Variants in NOVA1 observed in about 807,000 individuals in gnomAD.
NOVA1 encodes NOVA alternative splicing regulator 1, also known as RNA-binding protein Nova-1.
NOVA1 carries 7 observed loss-of-function variants against 38.0 expected under a neutral mutation model. The ratio of observed to expected loss-of-function variants is 0.18; its 90% CI spans 0.10 to 0.35. The LOEUF is 0.35. NOVA1 is among the 10% of genes least tolerant of loss of function. The pLI, the probability that NOVA1 is intolerant of heterozygous loss-of-function variation, is 1.00. For synonymous variants in NOVA1, 270 were observed against 232.5 expected (o/e 1.16, Z -1.47); for missense variants, 460 against 616.0 (o/e 0.75, Z 2.68).
At chr14:26,528,856 A>G (rs1171425378) in intron 2 of NOVA1, among the ~76,000 whole-genome samples, 1 of 152,158 alleles carries the variant, frequency 6.6e-6, no homozygotes, top group Non-Finnish European at 1.5e-5. Context: ...TATTCTTCAC[A>G]TATTAAAGCT....
intron 2 of NOVA1, among the ~76,000 whole-genome samples, chr14:26,570,606 G>GTATATATGCATGTATATATGCATGTA (rs1358046982): frequency 1.3e-5 from 2 of 151,908 alleles, no homozygotes; most frequent in Non-Finnish European, 2.9e-5. Context: ...GTATACATAT[G>GTATATATGCATGTATATATGCATGTA]TATATGTATA....
chr14:26,470,555 T>C (rs747986528), intron 4 of NOVA1: 19 of 1,105,330 alleles, frequency 1.7e-5, no homozygotes, highest in Non-Finnish European at 2.4e-5. Context: ...GTGGACAGAA[T>C]ATAAAATTAC....
At chr14:26,487,092 C>T (rs987445099) in intron 2 of NOVA1, among the ~76,000 whole-genome samples, 1 of 152,034 alleles carries the variant, frequency 6.6e-6, no homozygotes, top group Admixed American at 6.6e-5. Context: ...AAGCAAAAGT[C>T]TCATTTATGA....
chr14:26,526,219 G>C (rs961721030), intron 2 of NOVA1, among the ~76,000 whole-genome samples: 2 of 152,118 alleles, frequency 1.3e-5, no homozygotes. Flanking sequence ...TTTGAGAAAT[G>C]TTAAATATAA....
intron 2 of NOVA1, among the ~76,000 whole-genome samples, chr14:26,484,305 G>A (rs1001804559): frequency 1.3e-5 from 2 of 151,092 alleles, no homozygotes; most frequent in African/African-American, 2.4e-5. Flanking sequence ...GCATGGTGGC[G>A]GGCACCTGTA....
chr14:26,541,802 C>G (rs1890482837), intron 2 of NOVA1, among the ~76,000 whole-genome samples: 1 of 151,570 alleles, frequency 6.6e-6, no homozygotes, highest in Non-Finnish European at 1.5e-5. Context: ...TTTCTTGATA[C>G]CTAAAACTGA....
At chr14:26,550,965 G>A (rs1221516988) in intron 2 of NOVA1, among the ~76,000 whole-genome samples, 2 of 152,000 alleles carry the variant, frequency 1.3e-5, no homozygotes, top group African/African-American at 4.8e-5. Context: ...TAAGTGACAA[G>A]ATGTGGCTCT....
chr14:26,542,562 C>T (rs1370206215), intron 2 of NOVA1, among the ~76,000 whole-genome samples: 1 of 151,686 alleles, frequency 6.6e-6, no homozygotes, highest in Non-Finnish European at 1.5e-5. Flanking sequence ...TGAAACAGAA[C>T]TTTACTCCCA....
chr14:26,524,818 G>T lies in NOVA1; in HGVS notation c.281-44675C>A, dbSNP rs1889184284. On this transcript the variant is annotated intron_variant, in intron 2 of 4. Transcript: ENST00000539517. The stretch of plus-strand genomic sequence containing the variant: ...ATCACTTCATAAAAGGTAAAAATTT[G>T]AATATGGAGGAAGTATTAAAACAAC... 2.0e-5 allele frequency among the ~76,000 whole-genome samples: 3 copies of T among 152,230 alleles called. No individual in the cohort carries two copies. The South Asian group carries it at 6.2e-4, about 32-fold the overall frequency.
intron 2 of NOVA1, among the ~76,000 whole-genome samples, chr14:26,547,628 C>T (rs1487171793): frequency 2.6e-5 from 4 of 151,914 alleles, no homozygotes; most frequent in African/African-American, 7.3e-5. Flanking sequence ...GCCTTTTCAA[C>T]CAAAATTTAG....
rs973970936 is a variant in NOVA1 at position 26,443,690 on chromosome 14, T to C, written c.*4269A>G. The C allele has an allele frequency of 7.2e-5, 11 of 152,006 alleles. No homozygotes were observed. The highest frequency in any genetic ancestry group is 1.6e-4 in the Non-Finnish European group (11 of 67,804). 9.4% of individuals were successfully genotyped at this position (152,006 alleles called of 1,614,324 possible). ...ATCTATGAACAACAGTGCATAACAA[T>C]ATTATGTATTCATGTTTATGAGAAA... On this transcript the variant is annotated 3_prime_UTR_variant, in exon 5 of 5. Transcript: ENST00000539517.
chr14:26,592,673 C>T (rs1408813734), intron 2 of NOVA1: 1 of 151,434 alleles, frequency 6.6e-6, no homozygotes, highest in Non-Finnish European at 1.5e-5. Flanking sequence ...TTTTTCATTT[C>T]AACCATAATT....
At chr14:26,495,041 TC>T (rs1458594527) in intron 2 of NOVA1, among the ~76,000 whole-genome samples, 1 of 152,164 alleles carries the variant, frequency 6.6e-6, no homozygotes, top group Non-Finnish European at 1.5e-5. Context: ...TCTCTCTTTT[TC>T]TTCACTCCAG....
chr14:26,490,942 T>G (rs1001189551), intron 2 of NOVA1, among the ~76,000 whole-genome samples: 3 of 145,546 alleles, frequency 2.1e-5, no homozygotes, highest in African/African-American at 5.1e-5. Context: ...CTCCACCTCC[T>G]GGGTTCCCGC....
At chr14:26,529,179 C>T (rs1429379282) in intron 2 of NOVA1, among the ~76,000 whole-genome samples, 2 of 151,714 alleles carry the variant, frequency 1.3e-5, no homozygotes, top group East Asian at 3.9e-4. Context: ...GCTCTGTCAC[C>T]CAGGCTGGAG....
chr14:26,510,340 A>G (rs1444288994), intron 2 of NOVA1, among the ~76,000 whole-genome samples: 1 of 152,204 alleles, frequency 6.6e-6, no homozygotes, highest in African/African-American at 2.4e-5. Flanking sequence ...CGGTAAAACA[A>G]TAGAAGATAA....
At position 26,448,100 on chromosome 14, in the gene NOVA1, T is replaced by A. The variant is rs1352296416; in HGVS notation, c.1383A>T (p.Gly461=). 6.2e-7 allele frequency: 1 copy of A among 1,614,194 alleles called. No homozygotes were observed. The highest frequency in any genetic ancestry group is 1.7e-5 in the Admixed American group (1 of 60,024). Residue 461 remains glycine (G), a synonymous_variant, in exon 5 of 5, where the codon GGA becomes GGT. Coordinates refer to ENST00000539517, the MANE Select transcript of NOVA1 (RefSeq NM_002515.3). This position sits in a 1 kb window ranked among gnomAD's most constrained non-coding sequence, Gnocchi z 5.3. ...TGARIQISKK[G]EFVPGTRNRK... is the part of the protein sequence containing the mutation. Reference sequence around the variant, plus strand: ...GATTCCTTGTGCCAGGTACGAATTCTCCTTTTTTGGAGATCTGTATCCTTG... The same window carrying A: ...GATTCCTTGTGCCAGGTACGAATTCACCTTTTTTGGAGATCTGTATCCTTG...
chr14:26,479,787 T>C (rs909588829), intron 3 of NOVA1, 190 bp downstream of exon 3: 6 of 489,430 alleles, frequency 1.2e-5, no homozygotes, highest in African/African-American at 5.8e-5. Context: ...AATAATTCAA[T>C]TGATCAATAA....
chr14:26,459,695 T>G (rs1883494016), intron 4 of NOVA1, among the ~76,000 whole-genome samples: 1 of 152,116 alleles, frequency 6.6e-6, no homozygotes, highest in Admixed American at 6.6e-5. Context: ...AAAATAAAGT[T>G]AATCTAGGAA....
Sources: allele counts gnomAD v4.1 joint callset (sites outside exome capture counted in the v4.1 genomes callset), GRCh38; gene constraint gnomAD v4.1.1; non-coding constraint Gnocchi (gnomAD v3.1); transcripts MANE v1.5; gene names NCBI Gene and HGNC (gene_info 2026-07-23, HGNC 2026-07-21).